The following NEBL variants were observed in gnomAD, a reference collection of about 807,000 sequenced individuals.
NEBL encodes the protein nebulette.
A neutral mutation model predicts 140.2 loss-of-function variants in NEBL; 122 were observed. The ratio of observed to expected loss-of-function variants is 0.87; its 90% CI spans 0.75 to 1.01. The LOEUF (loss-of-function observed/expected upper bound fraction) is 1.01, where lower values mean the gene tolerates loss of function less well. Ranked by LOEUF, NEBL falls within the 50% of genes least tolerant of loss-of-function variation. The pLI, the probability that NEBL is intolerant of heterozygous loss-of-function variation, is 0.00. For synonymous variants in NEBL, 436 were observed against 398.9 expected (o/e 1.09, Z -1.11); for missense variants, 1,365 against 1,231.3 (o/e 1.11, Z -1.62).
At chr10:21,168,501 T>G (rs188539302) in intron 2 of NEBL, among the ~76,000 whole-genome samples, 2 of 152,238 alleles carry the variant, frequency 1.3e-5, no homozygotes, top group East Asian at 1.9e-4. Context: ...AACAGCTAAA[T>G]GTAAAGTATG....
At chr10:20,858,116 A>G in intron 9 of NEBL, 124 bp downstream of exon 9, 1 of 739,990 alleles carries the variant, frequency 1.4e-6, no homozygotes, top group Admixed American at 2.0e-5. Flanking sequence ...TCAATGAGTT[A>G]GTTAACGAGG....
chr10:20,868,831 AG>A (rs1844608427), intron 6 of NEBL, 66 bp from the exon 7 acceptor site: 1 of 926,518 alleles, frequency 1.1e-6, no homozygotes. Flanking sequence ...CATTGACATT[AG>A]CCAAAAAAAA....
chr10:20,877,481 G>A (rs788952), intron 5 of NEBL, among the ~76,000 whole-genome samples: 150,109 of 152,322 alleles, frequency 0.99, 74,084 homozygotes, highest in Middle Eastern at 1. Context: ...AAGCAGCCCC[G>A]AAGTCTTTTT....
chr10:21,182,813 C>A (rs917226942), intron 3 of NEBL, among the ~76,000 whole-genome samples: 7 of 152,070 alleles, frequency 4.6e-5, no homozygotes, highest in Non-Finnish European at 8.8e-5. Context: ...CCAATGTATC[C>A]AAAATATTAT....
intron 6 of NEBL, 42 bp from the exon 7 acceptor site, chr10:20,868,807 CCAATGATG>C (rs773733682): frequency 1.5e-6 from 2 of 1,377,718 alleles, no homozygotes; most frequent in Non-Finnish European, 1.0e-6. Flanking sequence ...TTTCTACCCT[CCAATGATG>C]AACTACATTG....
At chr10:21,057,137 C>G (rs779807955) in intron 2 of NEBL, among the ~76,000 whole-genome samples, 7 of 151,988 alleles carry the variant, frequency 4.6e-5, no homozygotes, top group Non-Finnish European at 1.0e-4. Flanking sequence ...TTCTGGGTGC[C>G]TATGTCCCAG....
chr10:21,237,699 C>T (rs576296601), intron 3 of NEBL, among the ~76,000 whole-genome samples: 2 of 152,106 alleles, frequency 1.3e-5, no homozygotes, highest in South Asian at 4.2e-4. Context: ...CTCCACCTCC[C>T]GGGTTCAAGA....
At chr10:21,218,264 C>G (rs1299232252) in intron 3 of NEBL, 3 of 152,208 alleles carry the variant, frequency 2.0e-5, no homozygotes, top group African/African-American at 7.2e-5. Context: ...ACTCCCCAGC[C>G]CCACCGTTAC....
chr10:21,202,461 CTTT>C (rs35623208), intron 3 of NEBL, among the ~76,000 whole-genome samples: 14 of 117,288 alleles, frequency 1.2e-4, no homozygotes, highest in Non-Finnish European at 1.9e-4. Flanking sequence ...TTTTCTTTTT[CTTT>C]TTTTTTTTTT....
intron 2 of NEBL, among the ~76,000 whole-genome samples, chr10:21,069,010 T>C (rs66906835): frequency 0.18 from 27,789 of 152,042 alleles, 2,737 homozygotes; most frequent in East Asian, 0.33. Context: ...CATCTCACTC[T>C]CCCGAGTAGC....
intron 3 of NEBL, among the ~76,000 whole-genome samples, chr10:21,015,640 T>C (rs1425484322): frequency 6.6e-6 from 1 of 152,088 alleles, no homozygotes; most frequent in Admixed American, 6.5e-5. Flanking sequence ...GCCTCCTGAG[T>C]AGCTGAGACT....
intron 2 of NEBL, among the ~76,000 whole-genome samples, chr10:21,065,846 G>C (rs1257404049): frequency 6.6e-6 from 1 of 152,202 alleles, no homozygotes; most frequent in Non-Finnish European, 1.5e-5. Flanking sequence ...CCCTGGAAGA[G>C]AAATTGCACC....
intron 3 of NEBL, among the ~76,000 whole-genome samples, chr10:21,227,737 T>C (rs1291517983): frequency 7.0e-6 from 1 of 143,410 alleles, no homozygotes; most frequent in Non-Finnish European, 1.5e-5. Flanking sequence ...TTCTTCTTCT[T>C]CTTCTTCTTC....
chr10:21,187,442 T>C (rs766861231), intron 3 of NEBL, among the ~76,000 whole-genome samples: 1 of 152,028 alleles, frequency 6.6e-6, no homozygotes, highest in Non-Finnish European at 1.5e-5. Flanking sequence ...TCTGGTAAAA[T>C]AATTTCTTTT....
Position 21,125,858 on chromosome 10 carries a change from C to T in NEBL, c.164+46525G>A, listed in dbSNP as rs563192344. 8.1e-6 allele frequency: 13 copies of T among 1,613,576 alleles called. No individual in the cohort carries two copies. The East Asian group carries it at 1.3e-4, about 17-fold the overall frequency. On this transcript the variant is annotated intron_variant, in intron 2 of 6. Coordinates refer to the NEBL transcript ENST00000417816. ...GTCATTTTCAGCACCTTCTTAGATA[C>T]GTTGAACTTTTCTTTTATGCCCTGG...
chr10:20,988,525 A>G (rs1230656680), intron 3 of NEBL, among the ~76,000 whole-genome samples: 1 of 152,096 alleles, frequency 6.6e-6, no homozygotes, highest in African/African-American at 2.4e-5. Context: ...CCATTGTGCA[A>G]TAAGTCCTAT....
chr10:20,966,082 T>C (rs1836300833), intron 3 of NEBL, among the ~76,000 whole-genome samples: 1 of 152,252 alleles, frequency 6.6e-6, no homozygotes, highest in Non-Finnish European at 1.5e-5. Flanking sequence ...GAAATTCATG[T>C]AATAGGCAAC....
At chr10:20,833,289 C>G (rs1840588750) in intron 14 of NEBL, among the ~76,000 whole-genome samples, 2 of 152,118 alleles carry the variant, frequency 1.3e-5, no homozygotes, top group African/African-American at 2.4e-5. Context: ...CATGGTCAAG[C>G]CCAGAGATAT....
intron 2 of NEBL, among the ~76,000 whole-genome samples, chr10:21,128,279 C>T (rs1838932493): frequency 6.6e-6 from 1 of 152,030 alleles, no homozygotes; most frequent in African/African-American, 2.4e-5. Context: ...ACAACAAAAA[C>T]AAATCAACAG....
Sources: gnomAD v4.1 joint callset for allele counts (sites outside exome capture counted in the v4.1 genomes callset) on GRCh38, gnomAD v4.1.1 for gene constraint, MANE v1.5 for transcripts, NCBI Gene and HGNC (gene_info 2026-07-23, HGNC 2026-07-21) for gene names.